BICRAL: variants seen among roughly 807,000 people sequenced by gnomAD.
The protein encoded by BICRAL is BICRA like chromatin remodeling complex associated protein.
In BICRAL, 8 loss-of-function variants were observed where a neutral mutation model predicts 91.8. The ratio of observed to expected loss-of-function variants is 0.09; its 90% CI spans 0.05 to 0.16. The LOEUF (loss-of-function observed/expected upper bound fraction) is 0.16. Among genes scored for constraint, BICRAL ranks in the 10% least tolerant of loss-of-function variants. The pLI, the probability that BICRAL is intolerant of heterozygous loss-of-function variation, is 1.00. For synonymous variants in BICRAL, 445 were observed against 491.1 expected, an observed-to-expected ratio of 0.91 and a Z score of 1.24; for missense variants, 1,038 against 1,310.9, an observed-to-expected ratio of 0.79 and a Z score of 3.21.
In BICRAL at chr6:42,828,741, T is replaced by A. The variant is rs774707347; in HGVS notation, c.408T>A (p.Phe136Leu). 6.2e-7 allele frequency: 1 copy of A among 1,614,244 alleles called. No individual in the cohort carries two copies. The highest frequency in any genetic ancestry group is 8.5e-7 in the Non-Finnish European group (1 of 1,180,040). The change falls in exon 6 of 13, where the codon TTT (phenylalanine) becomes TTA (leucine). Residue 136 changes from phenylalanine to leucine, a missense_variant. By Grantham distance (22) the Phe-to-Leu change is conservative. Coordinates refer to ENST00000314073, the MANE Select transcript of BICRAL (RefSeq NM_001393499.1). ...LDASIGSSQQFAQAQLHPSSS... is the reference protein window; with the variant it reads ...LDASIGSSQQLAQAQLHPSSS... The stretch of plus-strand genomic sequence containing the variant: ...CCAGTATAGGTTCAAGCCAACAGTT[T>A]GCACAAGCTCAGCTTCATCCTTCTT...
rs771797458 is a variant in BICRAL, at chr6:42,828,464, G to A, written c.160-29G>A. The A allele has an allele frequency of 4.5e-6, 7 of 1,543,948 alleles. No homozygotes were observed. The African/African-American group carries it at 9.7e-5, about 21-fold the overall frequency. On this transcript the variant is annotated intron_variant, in intron 5 of 12. Transcript: ENST00000314073. ...TGCATCCTTTTCAAAGGTTACATAT[G>A]CCATGTAACATACTGTTTATTTTTT...
At chr6:42,799,135 G>C (rs1388927012) in intron 1 of BICRAL, among the ~76,000 whole-genome samples, 1 of 152,078 alleles carries the variant, frequency 6.6e-6, no homozygotes, top group Non-Finnish European at 1.5e-5. Context: ...TTGAACTCCT[G>C]AGCTCAAATG....
intron 6 of BICRAL, among the ~76,000 whole-genome samples, chr6:42,846,392 TAAA>T (rs1427705876): frequency 2.7e-5 from 3 of 110,800 alleles, no homozygotes; most frequent in African/African-American, 1.8e-4. Context: ...AACAATAAGT[TAAA>T]TAAATAAATA....
At chr6:42,793,250 TCTC>T (rs1229992671) in intron 1 of BICRAL, among the ~76,000 whole-genome samples, 1 of 134,198 alleles carries the variant, frequency 7.5e-6, no homozygotes, top group African/African-American at 2.8e-5. Flanking sequence ...TCCATGCCAT[TCTC>T]CTGCCTCAGC....
intron 1 of BICRAL, among the ~76,000 whole-genome samples, chr6:42,795,528 AATT>A (rs1763394875): frequency 6.6e-6 from 1 of 152,226 alleles, no homozygotes; most frequent in Non-Finnish European, 1.5e-5. Flanking sequence ...CCCAAGATAT[AATT>A]ATTATTTAAT....
chr6:42,856,071 A>G (rs552465675), intron 9 of BICRAL, among the ~76,000 whole-genome samples, 154 bp downstream of exon 9: 1 of 152,200 alleles, frequency 6.6e-6, no homozygotes, highest in East Asian at 1.9e-4. Flanking sequence ...TCACTCCTGT[A>G]ATCTCAGCAC....
chr6:42,854,865 C>T (rs989332590), intron 8 of BICRAL, among the ~76,000 whole-genome samples: 2 of 151,976 alleles, frequency 1.3e-5, no homozygotes, highest in African/African-American at 2.4e-5. Context: ...GATAGATGTA[C>T]ATATTTTCAG....
intron 1 of BICRAL, among the ~76,000 whole-genome samples, chr6:42,793,122 ATTTTTTTTTTTTTTTTTTTTTTTT>A (rs1159342197): frequency 1.6e-4 from 6 of 37,228 alleles, no homozygotes; most frequent in East Asian, 8.2e-4. Context: ...TGCCCAGCTA[ATTTTTTTTTTTTTTTTTTTTTTTT>A]TTTTTTTTTT....
At chr6:42,769,562 A>G (rs1762688442) in intron 1 of BICRAL, among the ~76,000 whole-genome samples, 1 of 152,220 alleles carries the variant, frequency 6.6e-6, no homozygotes, top group South Asian at 2.1e-4. Context: ...CTGTGTGCCA[A>G]GTGCCGGGAC....
At position 42,830,002 on chromosome 6, in the gene BICRAL, G is replaced by T. The variant is rs1182554342; in HGVS notation, c.1669G>T (p.Val557Phe). ...STAHPSLGSAVQSGSSGSNFT... is the reference protein window; with the variant it reads ...STAHPSLGSAFQSGSSGSNFT... The stretch of plus-strand genomic sequence containing the variant: ...TGCCCATCCTAGTCTTGGGTCTGCA[G>T]TTCAGTCTGGTTCATCAGGATCAAA... Residue 557 changes from valine to phenylalanine, a missense_variant, in exon 6 of 13, where the codon GTT (valine) becomes TTT (phenylalanine). Physicochemically the swap from Val to Phe is conservative, Grantham distance 50 (BLOSUM62 -1). Transcript: ENST00000314073. The T allele has an allele frequency of 2.5e-6, 4 of 1,614,216 alleles. No individual in the cohort carries two copies.
At chr6:42,750,335 AT>A (rs201988697) in intron 1 of BICRAL, among the ~76,000 whole-genome samples, 2 of 145,432 alleles carry the variant, frequency 1.4e-5, no homozygotes, top group Non-Finnish European at 3.0e-5. Context: ...TAAATTTGGT[AT>A]TTTTTTTTGC....
intron 1 of BICRAL, among the ~76,000 whole-genome samples, chr6:42,760,868 T>A (rs967076872): frequency 2.0e-5 from 3 of 152,060 alleles, no homozygotes; most frequent in Admixed American, 1.3e-4. Flanking sequence ...CCAAAAGTAC[T>A]AAAATTAGCT....
chr6:42,800,299 G>A (rs889998412), intron 1 of BICRAL, among the ~76,000 whole-genome samples: 1 of 151,702 alleles, frequency 6.6e-6, no homozygotes, highest in African/African-American at 2.4e-5. Context: ...TCCTTACCTT[G>A]TGATCCATCT....
intron 11 of BICRAL, 121 bp downstream of exon 11, chr6:42,860,477 G>A (rs1361331676): frequency 6.6e-6 from 4 of 608,828 alleles, no homozygotes; most frequent in East Asian, 5.8e-5. Context: ...ATTTCACACT[G>A]TAGAAAAACT....
chr6:42,760,021 G>A (rs140721532), intron 1 of BICRAL, among the ~76,000 whole-genome samples: 1,679 of 152,244 alleles, frequency 0.011, 38 homozygotes, highest in African/African-American at 0.038. Context: ...GGGGCGGGTG[G>A]ATCACCTGAG....
chr6:42,859,925 A>C (rs1001052864), intron 10 of BICRAL, among the ~76,000 whole-genome samples: 12 of 152,070 alleles, frequency 7.9e-5, no homozygotes, highest in Non-Finnish European at 1.8e-4. Context: ...GATTACAGGC[A>C]TGAGCCACCG....
intron 6 of BICRAL, among the ~76,000 whole-genome samples, chr6:42,837,856 C>G (rs760222294): frequency 2.0e-5 from 3 of 152,096 alleles, no homozygotes; most frequent in Non-Finnish European, 4.4e-5. Context: ...CATCAGGCAA[C>G]CAGTGAAACC....
chr6:42,764,391 A>G (rs1483482259), intron 1 of BICRAL, among the ~76,000 whole-genome samples: 1 of 143,454 alleles, frequency 7.0e-6, no homozygotes, highest in African/African-American at 2.5e-5. Context: ...GTCTCCACAA[A>G]AATAAAAAAA....
Position 42,816,367 on chromosome 6 carries a change from C to A in BICRAL, c.-5-5651C>A, listed in dbSNP as rs117416895. On this transcript the variant is annotated intron_variant, in intron 2 of 12. Transcript: ENST00000314073. ...TGTCTCTTCAAAAAAAAAAAAAGTT[C>A]TGAGTATTTGGTATATTTAGTATAC... Among the ~76,000 whole-genome samples the A allele has an allele frequency of 4.0e-3, 604 of 151,724 alleles. 15 individuals carry two copies. In the East Asian group the frequency reaches 0.043, roughly 11 times the overall value.
Sources: allele counts gnomAD v4.1 joint callset (sites outside exome capture counted in the v4.1 genomes callset), GRCh38; gene constraint gnomAD v4.1.1; transcripts MANE v1.5; gene names NCBI Gene and HGNC (gene_info 2026-07-23, HGNC 2026-07-21).